CLNK: variants seen among roughly 807,000 people sequenced by gnomAD.
CLNK encodes the protein cytokine-dependent hematopoietic cell linker.
Under a neutral mutation model 68.6 loss-of-function variants are expected in CLNK, and 74 were observed. The ratio of observed to expected loss-of-function variants is 1.08; its 90% confidence interval spans 0.89 to 1.31. The LOEUF is 1.31. Among genes scored for constraint, CLNK ranks in the 50% most tolerant of loss-of-function variants. CLNK has a pLI of 0.00. For missense variants in CLNK, 553 were observed against 515.3 expected, an observed-to-expected ratio of 1.07 and a Z score of -0.71; for synonymous variants, 198 against 172.2, an observed-to-expected ratio of 1.15 and a Z score of -1.17.
chr4:10,651,779 G>T (rs1723747855), intron 2 of CLNK, among the ~76,000 whole-genome samples: 1 of 151,948 alleles, frequency 6.6e-6, no homozygotes. Flanking sequence ...CAGAATTCAA[G>T]TGTTGAAAGT....
intron 2 of CLNK, among the ~76,000 whole-genome samples, chr4:10,604,523 T>G (rs1482469546): frequency 2.0e-5 from 3 of 152,008 alleles, no homozygotes; most frequent in Non-Finnish European, 4.4e-5. Context: ...TCAACATCCA[T>G]GTGCTTGATC....
intron 8 of CLNK, among the ~76,000 whole-genome samples, chr4:10,556,316 G>T (rs1326932733): frequency 6.6e-6 from 1 of 152,146 alleles, no homozygotes; most frequent in African/African-American, 2.4e-5. Context: ...TTTAATTATA[G>T]AATTTAGTGA....
chr4:10,547,759 G>C (rs1435288274), intron 8 of CLNK, among the ~76,000 whole-genome samples: 2 of 152,110 alleles, frequency 1.3e-5, no homozygotes, highest in Non-Finnish European at 2.9e-5. Context: ...TTCTGCGTCT[G>C]ACTTGTTTTG....
chr4:10,552,155 C>T (rs745508018), intron 8 of CLNK, among the ~76,000 whole-genome samples: 4 of 151,998 alleles, frequency 2.6e-5, no homozygotes, highest in East Asian at 1.9e-4. Flanking sequence ...CACGCCCGGC[C>T]GAGAATTATA....
chr4:10,641,495 G>A (rs889053078), intron 2 of CLNK, among the ~76,000 whole-genome samples: 2 of 152,158 alleles, frequency 1.3e-5, no homozygotes, highest in African/African-American at 4.8e-5. Context: ...GAATCCAGAC[G>A]TTATGCCAAG....
At chr4:10,718,599 CA>C in the CLNK span, among the ~76,000 whole-genome samples, 63,618 of 147,442 alleles carry the variant, frequency 0.43, 14,392 homozygotes, top group East Asian at 0.59. Flanking sequence ...TAAAGAAAAA[CA>C]AAAAAAAAAC....
chr4:10,670,978 G>A (rs1404033468), intron 1 of CLNK, among the ~76,000 whole-genome samples: 1 of 152,144 alleles, frequency 6.6e-6, no homozygotes, highest in African/African-American at 2.4e-5. Flanking sequence ...CTTGTATTTT[G>A]AAATTTGAAT....
At chr4:10,634,023 A>G (rs1177690697) in intron 2 of CLNK, among the ~76,000 whole-genome samples, 1 of 152,226 alleles carries the variant, frequency 6.6e-6, no homozygotes, top group Admixed American at 6.5e-5. Context: ...AGCCCCCTGT[A>G]TAAGATCACA....
Position 10,566,112 on chromosome 4 carries a change from G to A in CLNK, c.189C>T (p.Gly63=), listed in dbSNP as rs1356591422. The change falls in exon 6 of 19, where the codon GGC becomes GGT. Residue 63 remains glycine (G), a synonymous_variant. Coordinates refer to ENST00000226951, the MANE Select transcript of CLNK (RefSeq NM_052964.4). ...GGTCATCATAGTCATCATCACTGTGGCCTTTTGCTCCATCCAGGACTGCAG... is the reference window on the plus strand; with the variant it reads ...GGTCATCATAGTCATCATCACTGTGACCTTTTGCTCCATCCAGGACTGCAG... The part of the protein sequence containing the change: ...NFAAVLDGAK[G]HSDDDYDDPE... 11 of 1,613,854 alleles carry A rather than the reference G, an allele frequency of 6.8e-6. No individual in the cohort carries two copies. The East Asian group carries it at 2.5e-4, about 36-fold the overall frequency.
rs190561038 is a variant in CLNK, at chr4:10,651,969, C to A, written c.11+15890G>T. Among the ~76,000 whole-genome samples, 18 of 140,762 alleles carry A rather than the reference C, an allele frequency of 1.3e-4. No homozygotes were observed. In the Admixed American group the frequency reaches 1.3e-3, roughly 10 times the overall value. 92.3% of individuals were successfully genotyped at this position (140,762 alleles called of 152,430 possible). A position where few individuals can be genotyped will look rare whatever the true frequency, so the allele number is the denominator to read the frequency against. On this transcript the variant is annotated intron_variant, in intron 2 of 18. Coordinates refer to ENST00000226951, the MANE Select transcript of CLNK (RefSeq NM_052964.4). ...ATACACATACATATATGCACACAAACAACAGGAGATCAAAAAAAAAGAAAC... is the reference window on the plus strand; with the variant it reads ...ATACACATACATATATGCACACAAAAAACAGGAGATCAAAAAAAAAGAAAC...
chr4:10,560,266 C>A (rs1208594339), intron 7 of CLNK, among the ~76,000 whole-genome samples: 2 of 152,186 alleles, frequency 1.3e-5, no homozygotes, highest in Non-Finnish European at 2.9e-5. Context: ...CTTTCAACCC[C>A]TATTGCTAAG....
At chr4:10,590,701 G>C (rs183709503) in intron 3 of CLNK, among the ~76,000 whole-genome samples, 1 of 152,134 alleles carries the variant, frequency 6.6e-6, no homozygotes, top group Non-Finnish European at 1.5e-5. Context: ...AAGACAATTT[G>C]TACTTCTAAG....
chr4:10,670,437 C>G (rs184405834), intron 1 of CLNK, among the ~76,000 whole-genome samples: 1 of 152,184 alleles, frequency 6.6e-6, no homozygotes, highest in Non-Finnish European at 1.5e-5. Context: ...CTAGTCTTTA[C>G]GGACAGCTCC....
intron 1 of CLNK, among the ~76,000 whole-genome samples, chr4:10,679,257 A>C (rs1036624136): frequency 8.5e-5 from 13 of 152,302 alleles, no homozygotes; most frequent in African/African-American, 1.7e-4. Context: ...CAAAAACAAG[A>C]AATGGGGAAA....
At chr4:10,543,166 G>T (rs1719102694) in intron 8 of CLNK, among the ~76,000 whole-genome samples, 1 of 152,100 alleles carries the variant, frequency 6.6e-6, no homozygotes. Flanking sequence ...GGCATTGAAG[G>T]CATCATGAAC....
Position 10,501,314 on chromosome 4 carries a change from A to T in CLNK, c.1082T>A (p.Ile361Lys), listed in dbSNP as rs979570136. The change falls in exon 18 of 19, where the codon ATA becomes AAA. Residue 361 changes from isoleucine to lysine, a missense_variant. Transcript: ENST00000226951. ...CTGCTGATTCCTCTCCAGGAAGCGTATTTTTACATTGTAGACTTTGTTCTC... is the reference window on the plus strand; with the variant it reads ...CTGCTGATTCCTCTCCAGGAAGCGTTTTTTTACATTGTAGACTTTGTTCTC... The part of the protein sequence containing the change: ...FYENKVYNVK[I>K]RFLERNQQFA... 3.1e-6 allele frequency: 5 copies of T among 1,607,586 alleles called. No individual in the cohort carries two copies. In the South Asian group the frequency reaches 5.6e-5, roughly 18 times the overall value.
At chr4:10,520,641 A>G in intron 15 of CLNK, 150 bp downstream of exon 15, 1 of 582,500 alleles carries the variant, frequency 1.7e-6, no homozygotes, top group East Asian at 2.8e-5. Flanking sequence ...GAATAAAATT[A>G]TTGTCATAGT....
intron 12 of CLNK, among the ~76,000 whole-genome samples, chr4:10,529,323 T>G: frequency 6.6e-6 from 1 of 152,354 alleles, no homozygotes; most frequent in East Asian, 1.9e-4. Flanking sequence ...GTCCATTAAA[T>G]GTTAAAAACA....
chr4:10,596,581 C>T (rs139483775), intron 3 of CLNK, among the ~76,000 whole-genome samples: 271 of 152,246 alleles, frequency 1.8e-3, no homozygotes, highest in African/African-American at 6.3e-3. Context: ...AGTTTTCAGA[C>T]ATTTTTAGTT....
Sources: gnomAD v4.1 joint callset for allele counts (sites outside exome capture counted in the v4.1 genomes callset) on GRCh38, gnomAD v4.1.1 for gene constraint, MANE v1.5 for transcripts, NCBI Gene and HGNC (gene_info 2026-07-23, HGNC 2026-07-21) for gene names.